Variants in CFAP61 observed in about 807,000 individuals in gnomAD.
CFAP61 encodes the protein cilia and flagella associated protein 61, also known as cilia- and flagella-associated protein 61.
In CFAP61, 107 loss-of-function variants were observed where a neutral mutation model predicts 135.6. The observed-to-expected ratio is 0.79, with a 90% CI of 0.67 to 0.93. The LOEUF is 0.93. Ranked by LOEUF, CFAP61 falls within the 40% of genes least tolerant of loss-of-function variation. CFAP61 has a pLI of 0.00. For synonymous variants in CFAP61, 575 were observed against 578.5 expected (o/e 0.99, Z 0.09); for missense variants, 1,507 against 1,556.2 (o/e 0.97, Z 0.53).
chr20:20,233,094 A>G (rs1312786109), intron 18 of CFAP61, among the ~76,000 whole-genome samples: 1 of 152,184 alleles, frequency 6.6e-6, no homozygotes. Context: ...TAAAGCTGCA[A>G]TTGTGGCAAT....
chr20:20,272,561 C>A (rs1482452705), intron 21 of CFAP61, among the ~76,000 whole-genome samples: 1 of 152,202 alleles, frequency 6.6e-6, no homozygotes, highest in Non-Finnish European at 1.5e-5. Context: ...GGCCCAGACA[C>A]CCCCTGCACA....
At chr20:20,351,971 A>G (rs968457428) in intron 26 of CFAP61, among the ~76,000 whole-genome samples, 2 of 152,210 alleles carry the variant, frequency 1.3e-5, no homozygotes, top group African/African-American at 4.8e-5. Flanking sequence ...AAGGCATAAC[A>G]CTACCTGATT....
At chr20:20,067,254 A>C (rs2045341122) in intron 2 of CFAP61, among the ~76,000 whole-genome samples, 2 of 152,056 alleles carry the variant, frequency 1.3e-5, no homozygotes, top group South Asian at 2.1e-4. Flanking sequence ...GATTTGGCTT[A>C]TTACAAAGAA....
chr20:20,177,917 TA>T (rs2054760367), intron 13 of CFAP61, among the ~76,000 whole-genome samples: 1 of 152,036 alleles, frequency 6.6e-6, no homozygotes, highest in South Asian at 2.1e-4. Context: ...CCTCCACACC[TA>T]CTCTTTAAAA....
At chr20:20,261,353 T>G (rs945361191) in intron 20 of CFAP61, among the ~76,000 whole-genome samples, 1 of 152,186 alleles carries the variant, frequency 6.6e-6, no homozygotes, top group African/African-American at 2.4e-5. Flanking sequence ...GAGAAAGAAC[T>G]TCCTCTGCCC....
intron 8 of CFAP61, among the ~76,000 whole-genome samples, chr20:20,142,559 G>C (rs184665188): frequency 1.0e-3 from 153 of 152,326 alleles, no homozygotes; most frequent in South Asian, 2.1e-3. Flanking sequence ...TGTGGCCCAG[G>C]CCTGGGCCAG....
chr20:20,323,388 C>T lies in CFAP61; in HGVS notation c.3423-18443C>T, dbSNP rs116149550. 3.0e-3 allele frequency: 2,426 copies of T among 796,156 alleles called. 56 individuals carry two copies. In the African/African-American group the frequency reaches 0.041, roughly 14 times the overall value. 49.3% of individuals were successfully genotyped at this position (796,156 alleles called of 1,614,324 possible). On this transcript the variant is annotated intron_variant, in intron 25 of 26. Transcript: ENST00000245957. ...TAAAAGCAAGTATGGAATTCAAATGCCCAGAAACCAAATAATAGACCCATC... is the reference window on the plus strand; with the variant it reads ...TAAAAGCAAGTATGGAATTCAAATGTCCAGAAACCAAATAATAGACCCATC...
chr20:20,084,286 A>G (rs568970014), intron 6 of CFAP61, among the ~76,000 whole-genome samples: 3 of 152,362 alleles, frequency 2.0e-5, no homozygotes, highest in South Asian at 4.1e-4. Context: ...TCAGTTGTAC[A>G]TTTTACAACT....
intron 24 of CFAP61, among the ~76,000 whole-genome samples, chr20:20,295,644 CTG>C (rs1569257710): frequency 6.6e-6 from 1 of 152,188 alleles, no homozygotes; most frequent in Non-Finnish European, 1.5e-5. Context: ...ACATTCTTCA[CTG>C]TGTATATATC....
At position 20,052,819 on chromosome 20, in the gene CFAP61, G is replaced by T. The variant is rs539705536; in HGVS notation, c.-37+228G>T. On this transcript the variant is annotated intron_variant, in intron 1 of 26. Coordinates refer to ENST00000245957, the MANE Select transcript of CFAP61 (RefSeq NM_015585.4). ...TACCATTCCCAGCATGCGACGGGGC[G>T]AGCTGCCGCCCTTTTAGGCTGCAAT... 4.0e-6 allele frequency: 5 copies of T among 1,238,660 alleles called. No individual in the cohort carries two copies. The South Asian group carries it at 5.9e-5, about 15-fold the overall frequency. The allele number at this position is 1,238,660 out of a possible 1,614,324, so 76.7% of individuals were successfully genotyped here. A position where few individuals can be genotyped will look rare whatever the true frequency, so the allele number is the denominator to read the frequency against.
chr20:20,332,746 C>T (rs547019219), intron 25 of CFAP61, among the ~76,000 whole-genome samples: 5 of 152,260 alleles, frequency 3.3e-5, no homozygotes, highest in Admixed American at 1.3e-4. Flanking sequence ...TCCCAAATAG[C>T]TAGGACTACA....
chr20:20,227,996 G>A (rs933298743), intron 17 of CFAP61, among the ~76,000 whole-genome samples: 1 of 152,142 alleles, frequency 6.6e-6, no homozygotes, highest in African/African-American at 2.4e-5. Context: ...ACATCTGTCA[G>A]CATTAAGACA....
chr20:20,094,244 G>A (rs914940750), intron 7 of CFAP61, among the ~76,000 whole-genome samples: 3 of 152,094 alleles, frequency 2.0e-5, no homozygotes, highest in Admixed American at 6.5e-5. Context: ...CCGCTTTCAC[G>A]TATTCTTGTT....
intron 7 of CFAP61, chr20:20,094,591 G>A (rs1223137645): frequency 6.6e-6 from 1 of 152,312 alleles, no homozygotes; most frequent in Admixed American, 6.5e-5. Context: ...CTTTCAGTGT[G>A]TGTAAACATC....
chr20:20,129,033 A>T (rs1006007954), intron 8 of CFAP61, among the ~76,000 whole-genome samples: 2 of 151,460 alleles, frequency 1.3e-5, no homozygotes, highest in African/African-American at 4.9e-5. Context: ...AATAGTTATA[A>T]CTATTATTGT....
chr20:20,197,568 A>G (rs1442960298), intron 16 of CFAP61, among the ~76,000 whole-genome samples: 1 of 152,042 alleles, frequency 6.6e-6, no homozygotes, highest in African/African-American at 2.4e-5. Flanking sequence ...ACTCTCATGC[A>G]TTCATGCACA....
intron 9 of CFAP61, among the ~76,000 whole-genome samples, chr20:20,154,310 C>T (rs1426275136): frequency 6.6e-6 from 1 of 152,072 alleles, no homozygotes; most frequent in African/African-American, 2.4e-5. Flanking sequence ...CGAGGATGCA[C>T]ATTTTCACCA....
chr20:20,151,145 T>A (rs2052373592), intron 9 of CFAP61, among the ~76,000 whole-genome samples: 1 of 151,856 alleles, frequency 6.6e-6, no homozygotes, highest in Non-Finnish European at 1.5e-5. Flanking sequence ...CTTAAAGAAA[T>A]TTTTTAAAAA....
intron 22 of CFAP61, among the ~76,000 whole-genome samples, chr20:20,286,320 G>A (rs529206579): frequency 3.3e-5 from 5 of 152,232 alleles, no homozygotes; most frequent in Non-Finnish European, 5.9e-5. Flanking sequence ...TTAGGATGCA[G>A]TGACACTGGC....
Sources: allele counts gnomAD v4.1 joint callset (sites outside exome capture counted in the v4.1 genomes callset), GRCh38; gene constraint gnomAD v4.1.1; transcripts MANE v1.5; gene names NCBI Gene and HGNC (gene_info 2026-07-23, HGNC 2026-07-21).